JAK1: variants seen among roughly 807,000 people sequenced by gnomAD.
The protein encoded by JAK1 is tyrosine-protein kinase JAK1.
JAK1 carries 16 observed loss-of-function variants against 136.6 expected under a neutral mutation model. The observed-to-expected ratio is 0.12, with a 90% CI of 0.08 to 0.18. The LOEUF (loss-of-function observed/expected upper bound fraction) is 0.18. JAK1 is among the 10% of genes least tolerant of loss of function. The probability of loss-of-function intolerance (pLI) is 1.00; values close to 1 mark genes in which losing one functional copy is unlikely to be tolerated. For missense variants in JAK1, 859 were observed against 1,450.1 expected (o/e 0.59, Z 6.62); for synonymous variants, 492 against 519.5 (o/e 0.95, Z 0.72).
At chr1:64,864,723 G>T in intron 8 of JAK1, 64 bp downstream of exon 8, 1 of 1,257,766 alleles carries the variant, frequency 8.0e-7, no homozygotes, top group East Asian at 2.3e-5. Context: ...GCTGCAGAAC[G>T]GAACTCAGCA....
Position 64,873,384 on chromosome 1 carries a change from A to T in JAK1, c.469T>A (p.Tyr157Asn). The T allele has an allele frequency of 6.2e-7, 1 of 1,613,812 alleles. No individual in the cohort carries two copies. Among genetic ancestry groups the T allele is most frequent in the Non-Finnish European group, 8.5e-7 (1 of 1,179,964 alleles). The stretch of plus-strand genomic sequence containing the variant: ...AAACTTCCTACCTGAGCAAACAGAT[A>T]CTCCAGTGAGCTGGCATCAAGGAGA... ...TPLLDASSLE[Y>N]LFAQGQYDLV... Residue 157 changes from tyrosine to asparagine, a missense_variant, in exon 5 of 25, where the codon TAT becomes AAT. Physicochemically the swap from Tyr to Asn is moderately radical, Grantham distance 143. Transcript: ENST00000342505.
chr1:65,035,684 C>T (rs1647066183), intron 2 of JAK1, among the ~76,000 whole-genome samples: 1 of 152,148 alleles, frequency 6.6e-6, no homozygotes, highest in Non-Finnish European at 1.5e-5. Context: ...GCCTACCCAC[C>T]CTGTTCCCTT....
At chr1:64,858,805 T>C (rs748671687) in intron 9 of JAK1, among the ~76,000 whole-genome samples, 1 of 152,010 alleles carries the variant, frequency 6.6e-6, no homozygotes, top group Non-Finnish European at 1.5e-5. Context: ...GAAAATAAGG[T>C]AGAGTGCAGT....
chr1:65,052,832 A>G (rs1224884942), intron 1 of JAK1, among the ~76,000 whole-genome samples: 1 of 135,668 alleles, frequency 7.4e-6, no homozygotes, highest in Non-Finnish European at 1.5e-5. Flanking sequence ...TGGGCACTCC[A>G]GCCTGGGTGT....
At chr1:65,034,016 T>C (rs1337188774) in intron 2 of JAK1, among the ~76,000 whole-genome samples, 1 of 152,220 alleles carries the variant, frequency 6.6e-6, no homozygotes, top group African/African-American at 2.4e-5. Context: ...TTATAAGCTA[T>C]ACAAACTCAC....
Position 64,844,666 on chromosome 1 carries a change from A to G in JAK1, c.2251+88T>C. 2.0e-6 allele frequency: 3 copies of G among 1,530,368 alleles called. No homozygotes were observed. The highest frequency in any genetic ancestry group is 1.1e-5 in the South Asian group (1 of 88,676). The allele number at this position is 1,530,368 out of a possible 1,614,324, so 94.8% of individuals were successfully genotyped here. ...AATACAAAAAAAAAATGACTCTCTA[A>G]AAGGAGACCAACCCCAGCCCAGCCC... On this transcript the variant is annotated intron_variant, in intron 16 of 24. Coordinates refer to ENST00000342505, the MANE Select transcript of JAK1 (RefSeq NM_002227.4). This position sits in a 1 kb window ranked among gnomAD's most constrained non-coding sequence, Gnocchi z 5.7.
In JAK1 at chr1:64,854,767, C is replaced by A. The variant is rs369093297; in HGVS notation, c.1648+742G>T. ...CAGCTCCATGGCATAGCACTCAAGG[C>A]CCCCACACCCTAAGCTCAGCCTCAC... On this transcript the variant is annotated intron_variant, in intron 11 of 24. Coordinates refer to ENST00000342505, the MANE Select transcript of JAK1 (RefSeq NM_002227.4). Among the ~76,000 whole-genome samples the A allele has an allele frequency of 2.3e-4, 35 of 152,184 alleles. 9 individuals carry two copies. The highest frequency in any genetic ancestry group is 3.9e-4 in the Admixed American group (6 of 15,288).
At chr1:64,970,227 G>A (rs989178965), upstream of JAK1, among the ~76,000 whole-genome samples, 13 of 150,634 alleles carry the variant, frequency 8.6e-5, no homozygotes, top group Admixed American at 6.6e-4. Flanking sequence ...ATTGCTTGAG[G>A]CCAGGAGTTC....
chr1:65,011,825 C>A (rs568945791), intron 2 of JAK1, among the ~76,000 whole-genome samples: 2 of 152,202 alleles, frequency 1.3e-5, no homozygotes, highest in East Asian at 3.9e-4. Flanking sequence ...TTCTCTTGAT[C>A]CCAGGAGTAA....
intron 1 of JAK1, among the ~76,000 whole-genome samples, chr1:64,887,272 G>C (rs1417775679): frequency 1.3e-5 from 2 of 152,212 alleles, no homozygotes; most frequent in African/African-American, 4.8e-5. Flanking sequence ...GTATGAATTT[G>C]ATTGTGATGA....
At chr1:64,972,001 C>T (rs1193561054) in intron 2 of JAK1, among the ~76,000 whole-genome samples, 1 of 151,982 alleles carries the variant, frequency 6.6e-6, no homozygotes, top group Non-Finnish European at 1.5e-5. Context: ...TGTACTGCAG[C>T]CTGGGCAACA....
chr1:64,851,413 C>T lies in JAK1; in HGVS notation c.1649-503G>A, dbSNP rs4916007. ...AGCTATGGAAGGAAGAAGCAGTACC[C>T]GGGCCCAGGGCATGATGGGAACCAG... is the stretch of plus-strand genomic sequence containing the variant. On this transcript the variant is annotated intron_variant, in intron 11 of 24. Coordinates refer to ENST00000342505, the MANE Select transcript of JAK1 (RefSeq NM_002227.4). Among the ~76,000 whole-genome samples the T allele has an allele frequency of 0.029, 4,390 of 152,214 alleles. 375 individuals carry two copies. The East Asian group carries it at 0.29, about 10-fold the overall frequency.
chr1:64,989,029 T>TATATATAA (rs1343047707), intron 2 of JAK1, among the ~76,000 whole-genome samples: 11 of 135,144 alleles, frequency 8.1e-5, no homozygotes, highest in Non-Finnish European at 7.7e-5. Context: ...TATATATATA[T>TATATATAA]AAAATACAGA....
At chr1:64,900,151 C>T (rs1380503817) in intron 1 of JAK1, among the ~76,000 whole-genome samples, 2 of 152,190 alleles carry the variant, frequency 1.3e-5, no homozygotes, top group African/African-American at 4.8e-5. Flanking sequence ...CAATTCACCT[C>T]TCTACCTGCT....
chr1:64,894,201 A>T (rs569785264), intron 1 of JAK1, among the ~76,000 whole-genome samples: 2 of 152,304 alleles, frequency 1.3e-5, no homozygotes, highest in African/African-American at 4.8e-5. Context: ...TGCTTCCATG[A>T]ATGATCTCAA....
intron 2 of JAK1, among the ~76,000 whole-genome samples, chr1:65,013,340 G>C (rs1290101282): frequency 6.6e-6 from 1 of 150,616 alleles, no homozygotes; most frequent in Non-Finnish European, 1.5e-5. Flanking sequence ...AGGTTGCGGT[G>C]AGCCAAGATC....
At chr1:64,862,717 TGGACA>T (rs1656427592) in intron 8 of JAK1, among the ~76,000 whole-genome samples, 1 of 152,330 alleles carries the variant, frequency 6.6e-6, no homozygotes, top group African/African-American at 2.4e-5. Flanking sequence ...AGCCAGATCA[TGGACA>T]TGTCAGCCTC....
chr1:64,907,440 T>C (rs1342402498), intron 1 of JAK1, among the ~76,000 whole-genome samples: 1 of 152,090 alleles, frequency 6.6e-6, no homozygotes, highest in Non-Finnish European at 1.5e-5. Context: ...TCTGCCATAA[T>C]AAATCCTTTC....
At chr1:64,930,342 A>G (rs1645666702) in intron 1 of JAK1, among the ~76,000 whole-genome samples, 1 of 152,224 alleles carries the variant, frequency 6.6e-6, no homozygotes, top group Non-Finnish European at 1.5e-5. Context: ...GGCAAAGGAA[A>G]TGAACAGACA....
Sources: gnomAD v4.1 joint callset for allele counts (sites outside exome capture counted in the v4.1 genomes callset) on GRCh38, gnomAD v4.1.1 for gene constraint, Gnocchi (gnomAD v3.1) non-coding constraint, MANE v1.5 for transcripts, NCBI Gene and HGNC (gene_info 2026-07-23, HGNC 2026-07-21) for gene names.